WASF3: variants seen among roughly 807,000 people sequenced by gnomAD.
The protein encoded by WASF3 is WASP family member 3.
WASF3 carries 11 observed loss-of-function variants against 46.6 expected under a neutral mutation model. The observed-to-expected ratio is 0.24, with a 90% CI of 0.15 to 0.39. WASF3 has a LOEUF of 0.39. Ranked by LOEUF, WASF3 falls within the 10% of genes least tolerant of loss-of-function variation. The pLI, the probability that WASF3 is intolerant of heterozygous loss-of-function variation, is 1.00. For missense variants in WASF3, 576 were observed against 669.8 expected (o/e 0.86, Z 1.55); for synonymous variants, 242 against 259.7 (o/e 0.93, Z 0.65).
chr13:26,674,400 C>T (rs1883004168), intron 6 of WASF3, among the ~76,000 whole-genome samples: 1 of 152,120 alleles, frequency 6.6e-6, no homozygotes, highest in Non-Finnish European at 1.5e-5. Context: ...ATCTTCCTCC[C>T]CCACTTTTTT....
At chr13:26,601,964 T>C (rs1880654771) in intron 1 of WASF3, among the ~76,000 whole-genome samples, 1 of 152,238 alleles carries the variant, frequency 6.6e-6, no homozygotes, top group African/African-American at 2.4e-5. Context: ...GGAGCATGTT[T>C]TGCTTTTAGT....
chr13:26,664,981 C>T (rs765008191), intron 3 of WASF3, 47 bp from the exon 4 acceptor site: 2 of 1,604,338 alleles, frequency 1.2e-6, no homozygotes, highest in East Asian at 4.5e-5. Flanking sequence ...AGGGCCGCTT[C>T]ATCAGCTCCC....
At position 26,687,569 on chromosome 13, in the gene WASF3, G is replaced by A. The variant is rs1378538818; in HGVS notation, c.*1724G>A. 1 of 152,222 alleles carries A rather than the reference G, an allele frequency of 6.6e-6. No individual in the cohort carries two copies. Among genetic ancestry groups the A allele is most frequent in the Non-Finnish European group, 1.5e-5 (1 of 68,152 alleles). The allele number at this position is 152,222 out of a possible 1,614,324, so 9.4% of individuals were successfully genotyped here. On this transcript the variant is annotated 3_prime_UTR_variant, in exon 10 of 10. Coordinates refer to ENST00000335327, the MANE Select transcript of WASF3 (RefSeq NM_006646.6). ...TCCCCTTTCCAAGGCTGCTTCCCTG[G>A]TGTGTCTGTTCTCTCCTCTGTCCCA...
At position 26,681,083 on chromosome 13, in the gene WASF3, C is replaced by T. The variant is rs1165568695; in HGVS notation, c.746C>T (p.Ser249Phe). The change falls in exon 8 of 10, where the codon TCT (serine) becomes TTT (phenylalanine). Residue 249 changes from serine to phenylalanine, a missense_variant. Coordinates refer to ENST00000335327, the MANE Select transcript of WASF3 (RefSeq NM_006646.6). ...CATGCATCGGACGTTACGGATTACT[C>T]TTACCCGGCTACTCCCAACCATTCT... is the stretch of plus-strand genomic sequence containing the variant. ...RSHASDVTDY[S>F]YPATPNHSLH... 2 of 1,613,998 alleles carry T rather than the reference C, an allele frequency of 1.2e-6. No individual in the cohort carries two copies. The highest frequency in any genetic ancestry group is 1.1e-5 in the South Asian group (1 of 91,044).
intron 2 of WASF3, among the ~76,000 whole-genome samples, chr13:26,621,987 A>T (rs1593153349): frequency 6.6e-6 from 1 of 152,146 alleles, no homozygotes; most frequent in Admixed American, 6.5e-5. Flanking sequence ...ACTCTACTCT[A>T]TGGGCCCTGG....
chr13:26,676,014 G>A (rs745777054), intron 6 of WASF3, among the ~76,000 whole-genome samples: 7 of 152,210 alleles, frequency 4.6e-5, no homozygotes, highest in Non-Finnish European at 1.0e-4. Context: ...AGGAAGAATG[G>A]TGCTTTTTAT....
the WASF3 span, among the ~76,000 whole-genome samples, chr13:26,547,476 G>A: frequency 6.6e-6 from 1 of 151,818 alleles, no homozygotes; most frequent in Non-Finnish European, 1.5e-5. Context: ...AATTAGTAGT[G>A]AGCCATACCT....
In WASF3 at chr13:26,628,958, CAG is replaced by C. The variant is rs1881564853; in HGVS notation, c.-10-13300_-10-13299del. Among the ~76,000 whole-genome samples the C allele has an allele frequency of 2.6e-5, 4 of 152,214 alleles. No homozygotes were observed. In the South Asian group the frequency reaches 8.3e-4, roughly 32 times the overall value. On this transcript the variant is annotated intron_variant, in intron 2 of 9. Transcript: ENST00000335327. ...GTGTTGTGGAGTATGACCATCCTTT[CAG>C]AGTGTCTGGCAAGCTTGTGCTTCAG... is the stretch of plus-strand genomic sequence containing the variant.
chr13:26,608,554 G>A (rs192115712), intron 1 of WASF3, among the ~76,000 whole-genome samples: 15 of 152,216 alleles, frequency 9.9e-5, no homozygotes, highest in Non-Finnish European at 1.9e-4. Flanking sequence ...TTTCTGGGGG[G>A]CAAAGACCTT....
intron 2 of WASF3, among the ~76,000 whole-genome samples, chr13:26,630,992 C>T (rs1881634439): frequency 6.6e-6 from 1 of 152,152 alleles, no homozygotes; most frequent in Non-Finnish European, 1.5e-5. Flanking sequence ...CCTTTGCCTA[C>T]TTTTTGATGG....
At position 26,681,200 on chromosome 13, in the gene WASF3, C is replaced by T; in HGVS notation, c.863C>T (p.Pro288Leu). The change falls in exon 8 of 10, where the codon CCC becomes CTC. Residue 288 changes from proline to leucine, a missense_variant. Physicochemically the swap from Pro to Leu is moderately conservative, Grantham distance 98. Transcript: ENST00000335327. ...ASQAAEHEYRPPSASARHMAL... is the reference protein window; with the variant it reads ...ASQAAEHEYRLPSASARHMAL... The stretch of plus-strand genomic sequence containing the variant: ...CAGGCTGCGGAGCATGAGTACCGGC[C>T]CCCATCTGCCTCGGCGAGGCACATG... 1.2e-6 allele frequency: 2 copies of T among 1,614,130 alleles called. No individual in the cohort carries two copies. Among genetic ancestry groups the T allele is most frequent in the South Asian group, 2.2e-5 (2 of 91,078 alleles).
chr13:26,606,709 A>T (rs931161596), intron 1 of WASF3: 1 of 151,782 alleles, frequency 6.6e-6, no homozygotes, highest in East Asian at 1.9e-4. Context: ...GTTTATCTTC[A>T]TGTTGACTTT....
chr13:26,676,887 A>T (rs970762031), intron 7 of WASF3, among the ~76,000 whole-genome samples, 163 bp downstream of exon 7: 37 of 152,200 alleles, frequency 2.4e-4, no homozygotes, highest in African/African-American at 4.6e-4. Context: ...ATTTTGAAAT[A>T]ATACTTGAAG....
intron 5 of WASF3, among the ~76,000 whole-genome samples, chr13:26,670,548 TTAAG>T (rs1323819741): frequency 2.0e-5 from 3 of 152,212 alleles, no homozygotes; most frequent in South Asian, 2.1e-4. Context: ...ATTTGCTTAC[TTAAG>T]TGAGTTCCCG....
intron 2 of WASF3, among the ~76,000 whole-genome samples, chr13:26,638,936 G>A (rs569183593): frequency 1.3e-5 from 2 of 152,260 alleles, no homozygotes; most frequent in South Asian, 2.1e-4. Context: ...TGGCTTCCTT[G>A]GTTTCTGTTG....
chr13:26,681,008 TTTAAA>T, intron 7 of WASF3, 41 bp from the exon 8 acceptor site: 1 of 1,565,774 alleles, frequency 6.4e-7, no homozygotes, highest in Non-Finnish European at 8.7e-7. Context: ...GCCGACAATT[TTTAAA>T]TTAATTTAAA....
At chr13:26,579,553 A>G (rs1171791793) in intron 1 of WASF3, among the ~76,000 whole-genome samples, 1 of 152,166 alleles carries the variant, frequency 6.6e-6, no homozygotes, top group Non-Finnish European at 1.5e-5. Context: ...TTTTGCAGGT[A>G]TAATGGTATC....
chr13:26,676,741 G>T lies in WASF3; in HGVS notation c.716+17G>T, dbSNP rs1462028955. The T allele has an allele frequency of 2.5e-6, 4 of 1,605,478 alleles. No individual in the cohort carries two copies. The South Asian group carries it at 4.5e-5, about 18-fold the overall frequency. Reference sequence around the variant, plus strand: ...AGATACTAGGTGTGTGTGTGTCACTGCTCCCTCAGCCCTGATGCTTGGGCA... The same window carrying T: ...AGATACTAGGTGTGTGTGTGTCACTTCTCCCTCAGCCCTGATGCTTGGGCA... On this transcript the variant is annotated intron_variant, in intron 7 of 9. Transcript: ENST00000335327.
chr13:26,581,494 G>A (rs1879978146), intron 1 of WASF3, among the ~76,000 whole-genome samples: 1 of 151,246 alleles, frequency 6.6e-6, no homozygotes, highest in Non-Finnish European at 1.5e-5. Flanking sequence ...AGTTTGAGTT[G>A]AGCAAGGCAT....
Sources: allele counts gnomAD v4.1 joint callset (sites outside exome capture counted in the v4.1 genomes callset), GRCh38; gene constraint gnomAD v4.1.1; transcripts MANE v1.5; gene names NCBI Gene and HGNC (gene_info 2026-07-23, HGNC 2026-07-21).